Variants in AGBL1 observed in about 807,000 individuals in gnomAD.
AGBL1 encodes cytosolic carboxypeptidase 4.
In AGBL1, 130 loss-of-function variants were observed where a neutral mutation model predicts 118.9. The observed-to-expected ratio is 1.09, with a 90% CI of 0.95 to 1.26. The LOEUF (loss-of-function observed/expected upper bound fraction) is 1.26. Among genes scored for constraint, AGBL1 ranks in the 50% most tolerant of loss-of-function variants. The pLI is 0.00. For missense variants in AGBL1, 1,584 were observed against 1,298.1 expected (o/e 1.22, Z -3.38); for synonymous variants, 555 against 478.9 (o/e 1.16, Z -2.08).
chr15:86,658,280 T>G (rs1472027335), intron 21 of AGBL1, among the ~76,000 whole-genome samples: 1 of 152,148 alleles, frequency 6.6e-6, no homozygotes, highest in African/African-American at 2.4e-5. Context: ...CTGGATTAAG[T>G]TATATGAGCG....
chr15:86,748,054 A>T (rs575298967), intron 22 of AGBL1, among the ~76,000 whole-genome samples: 2 of 152,204 alleles, frequency 1.3e-5, no homozygotes, highest in South Asian at 4.1e-4. Flanking sequence ...GAATCGCCAC[A>T]CTGTCTTCCA....
intron 22 of AGBL1, among the ~76,000 whole-genome samples, chr15:86,749,306 C>T (rs2077809733): frequency 6.6e-6 from 1 of 152,046 alleles, no homozygotes; most frequent in African/African-American, 2.4e-5. Context: ...ATTTTGCTCT[C>T]TGTTTGTCTA....
chr15:86,187,286 A>G (rs1471333327), intron 5 of AGBL1, among the ~76,000 whole-genome samples: 1 of 152,222 alleles, frequency 6.6e-6, no homozygotes, highest in Non-Finnish European at 1.5e-5. Context: ...TTCCTTTTTC[A>G]AATGAATTCT....
intron 19 of AGBL1, among the ~76,000 whole-genome samples, chr15:86,541,378 T>C (rs182076478): frequency 2.2e-4 from 33 of 152,206 alleles, no homozygotes; most frequent in African/African-American, 2.9e-4. Flanking sequence ...CTGATGCTTA[T>C]TAATATTTGA....
Position 86,295,368 on chromosome 15 carries a change from C to T in AGBL1, c.2334C>T (p.Ala778=). Residue 778 remains alanine (A), a synonymous_variant, in exon 17 of 23, where the codon GCC becomes GCT. Transcript: ENST00000614907. ...GNPCPLVTIT[A]MPESNSDEHL... ...CGTGTCCCTTGGTGACCATCACGGC[C>T]ATGCCTGAGTCCAACAGTGATGAGC... 6.2e-7 allele frequency: 1 copy of T among 1,608,676 alleles called. No individual in the cohort carries two copies.
chr15:86,718,648 G>A (rs1381351228), intron 22 of AGBL1, among the ~76,000 whole-genome samples: 4 of 152,150 alleles, frequency 2.6e-5, no homozygotes, highest in Non-Finnish European at 5.9e-5. Flanking sequence ...GGAGGCATCC[G>A]ATGAGAAAGA....
intron 18 of AGBL1, among the ~76,000 whole-genome samples, chr15:86,490,626 C>G (rs2082766409): frequency 6.6e-6 from 1 of 152,084 alleles, no homozygotes; most frequent in Non-Finnish European, 1.5e-5. Flanking sequence ...TGCAATCTGC[C>G]TCTTTATCTT....
rs112772176 is a variant in AGBL1 at position 86,764,212 on chromosome 15, G to A, written c.3158+89776G>A. 1.9e-3 allele frequency among the ~76,000 whole-genome samples: 296 copies of A among 152,032 alleles called. 2 individuals carry two copies. The highest frequency in any genetic ancestry group is 6.8e-3 in the African/African-American group (282 of 41,518). ...ATACACGCTTCCAGAAACAAACCAG[G>A]GATTGAAGGGCAGGGGAGATAAAGG... On this transcript the variant is annotated intron_variant, in intron 22 of 22. Transcript: ENST00000614907.
At chr15:86,785,463 C>T (rs942966711) in intron 22 of AGBL1, among the ~76,000 whole-genome samples, 59 of 151,070 alleles carry the variant, frequency 3.9e-4, no homozygotes, top group African/African-American at 1.3e-3. Flanking sequence ...CAACCTCCAC[C>T]TCCCAGGTTC....
intron 22 of AGBL1, among the ~76,000 whole-genome samples, chr15:86,840,911 T>C (rs2079235842): frequency 6.6e-6 from 1 of 152,228 alleles, no homozygotes. Context: ...AGAAAGCTTC[T>C]TCAATGGAAG....
intron 17 of AGBL1, among the ~76,000 whole-genome samples, chr15:86,381,411 CT>C (rs112397324): frequency 2.0e-5 from 3 of 151,408 alleles, no homozygotes; most frequent in Middle Eastern, 3.4e-3. Flanking sequence ...AGCTGATACA[CT>C]TTTTTTTTCA....
At position 86,093,307 on chromosome 15, in the gene AGBL1, A is replaced by C. The variant is rs74026782; in HGVS notation, c.51+13284A>C. On this transcript the variant is annotated intron_variant, in intron 1 of 22. Transcript: ENST00000614907. ...TAAGTACCTGCTAGTTGCAAGTTAA[A>C]AACATCATTGGTGGAAGAAAATGTC... is the stretch of plus-strand genomic sequence containing the variant. 5.5e-3 allele frequency among the ~76,000 whole-genome samples: 834 copies of C among 152,290 alleles called. 7 individuals carry two copies. Among genetic ancestry groups the C allele is most frequent in the African/African-American group, 0.019 (804 of 41,564 alleles).
intron 22 of AGBL1, among the ~76,000 whole-genome samples, chr15:86,816,797 C>G (rs546605875): frequency 6.6e-6 from 1 of 152,264 alleles, no homozygotes; most frequent in South Asian, 2.1e-4. Flanking sequence ...ATCATGTCAT[C>G]TTATCTTTGA....
intron 1 of AGBL1, among the ~76,000 whole-genome samples, chr15:86,095,214 C>T (rs1597385622): frequency 6.6e-6 from 1 of 152,256 alleles, no homozygotes; most frequent in Non-Finnish European, 1.5e-5. Context: ...CCTGGAAGTA[C>T]TCTGAACCCC....
intron 22 of AGBL1, among the ~76,000 whole-genome samples, chr15:86,774,703 A>G (rs1256535170): frequency 6.6e-6 from 1 of 152,054 alleles, no homozygotes; most frequent in Admixed American, 6.6e-5. Flanking sequence ...ATTAAGATTT[A>G]TATTGAGGAA....
intron 22 of AGBL1, among the ~76,000 whole-genome samples, chr15:86,772,858 T>G (rs2078201411): frequency 6.6e-6 from 1 of 152,064 alleles, no homozygotes; most frequent in African/African-American, 2.4e-5. Flanking sequence ...CCTTTGGAGC[T>G]GTTTCAGTAG....
chr15:86,741,190 T>C (rs567512346), intron 22 of AGBL1, among the ~76,000 whole-genome samples: 1 of 151,656 alleles, frequency 6.6e-6, no homozygotes, highest in East Asian at 2.0e-4. Context: ...GGTCACATAG[T>C]ACAGAGGACT....
intron 19 of AGBL1, among the ~76,000 whole-genome samples, chr15:86,523,192 G>A (rs1596221924): frequency 6.6e-6 from 1 of 152,168 alleles, no homozygotes; most frequent in African/African-American, 2.4e-5. Context: ...GGTGTTGGCA[G>A]GATCATGCCC....
At chr15:86,548,663 G>GCA (rs61362688) in intron 20 of AGBL1, among the ~76,000 whole-genome samples, 5,811 of 142,716 alleles carry the variant, frequency 0.041, 122 homozygotes, top group Middle Eastern at 0.082. Flanking sequence ...ACACATGCAC[G>GCA]CACACACACA....
Sources: gnomAD v4.1 joint callset for allele counts (sites outside exome capture counted in the v4.1 genomes callset) on GRCh38, gnomAD v4.1.1 for gene constraint, MANE v1.5 for transcripts, NCBI Gene and HGNC (gene_info 2026-07-23, HGNC 2026-07-21) for gene names.